The following SOX6 variants were observed in gnomAD, a reference collection of about 807,000 sequenced individuals.
SOX6 encodes the protein transcription factor SOX-6.
Under a neutral mutation model 97.8 loss-of-function variants are expected in SOX6, and 11 were observed. That is an observed-to-expected ratio of 0.11 (90% CI 0.07 to 0.19). The LOEUF (loss-of-function observed/expected upper bound fraction) is 0.19, where lower values mean the gene tolerates loss of function less well. Ranked by LOEUF, SOX6 falls within the 10% of genes least tolerant of loss-of-function variation. The probability of loss-of-function intolerance (pLI) is 1.00; values close to 1 mark genes in which losing one functional copy is unlikely to be tolerated. For missense variants in SOX6, 810 were observed against 1,039.5 expected (o/e 0.78, Z 3.04); for synonymous variants, 360 against 371.4 (o/e 0.97, Z 0.35).
At chr11:16,477,588 C>T (rs56311489), upstream of SOX6, among the ~76,000 whole-genome samples, 2 of 152,142 alleles carry the variant, frequency 1.3e-5, no homozygotes, top group African/African-American at 2.4e-5. Context: ...CAGTGGCTCA[C>T]GCCTGTAATC....
intron 3 of SOX6, among the ~76,000 whole-genome samples, chr11:16,681,382 A>G (rs769801677): frequency 2.0e-5 from 3 of 152,150 alleles, no homozygotes; most frequent in Non-Finnish European, 4.4e-5. Flanking sequence ...CAAAATGAAG[A>G]CAGAAGTAAA....
chr11:16,191,512 T>A (rs1464112756), intron 4 of SOX6, among the ~76,000 whole-genome samples: 2 of 151,942 alleles, frequency 1.3e-5, no homozygotes, highest in Non-Finnish European at 2.9e-5. Context: ...TTTGAAAAAA[T>A]CAACTTGGAA....
chr11:16,531,315 A>T (rs1352390435), intron 4 of SOX6, among the ~76,000 whole-genome samples: 1 of 151,704 alleles, frequency 6.6e-6, no homozygotes, highest in Non-Finnish European at 1.5e-5. Flanking sequence ...GTAGCTATCC[A>T]GTATTAAAAT....
chr11:16,166,199 AC>A (rs1850883678), intron 6 of SOX6, among the ~76,000 whole-genome samples: 1 of 152,110 alleles, frequency 6.6e-6, no homozygotes, highest in Non-Finnish European at 1.5e-5. Context: ...TGTTTATTTC[AC>A]CCACATTACC....
intron 4 of SOX6, among the ~76,000 whole-genome samples, chr11:16,578,131 T>G (rs1848000052): frequency 6.6e-6 from 1 of 152,166 alleles, no homozygotes; most frequent in South Asian, 2.1e-4. Flanking sequence ...TTCTTTTGCA[T>G]GGGGATACCT....
At chr11:16,664,357 G>A (rs1847789326) in intron 3 of SOX6, among the ~76,000 whole-genome samples, 1 of 152,180 alleles carries the variant, frequency 6.6e-6, no homozygotes, top group South Asian at 2.1e-4. Context: ...AGGCCACAAG[G>A]AGTGGAGAAA....
Position 16,469,210 on chromosome 11 carries a change from T to C in SOX6, c.-5+7105A>G, listed in dbSNP as rs556300004. 1.0e-3 allele frequency among the ~76,000 whole-genome samples: 156 copies of C among 152,214 alleles called. 1 individual carries two copies. The highest frequency in any genetic ancestry group is 7.1e-3 in the South Asian group (34 of 4,820). ...GTTTAATGAAACAAGTCCAGAGTAT[T>C]AACAAACTTTTTAGAGCAGTTTGTT... On this transcript the variant is annotated intron_variant, in intron 1 of 15. Transcript: ENST00000396356.
rs542486542 is a variant in SOX6 at position 16,611,902 on chromosome 11, G to T, written n.609+179C>A. Among the ~76,000 whole-genome samples, 8 of 152,278 alleles carry T rather than the reference G, an allele frequency of 5.3e-5. No homozygotes were observed. In the East Asian group the frequency reaches 1.5e-3, roughly 29 times the overall value. Reference sequence around the variant, plus strand: ...GGAGGTGGGGAAAAGTGGTAAAAATGCATGAACTTTTTTCCAAAGAAAAAT... The same window carrying T: ...GGAGGTGGGGAAAAGTGGTAAAAATTCATGAACTTTTTTCCAAAGAAAAAT... On this transcript the variant is annotated intron_variant and non_coding_transcript_variant, in intron 4 of 5. Coordinates refer to the SOX6 transcript ENST00000524520.
At chr11:16,711,666 T>C (rs768834523) in intron 3 of SOX6, among the ~76,000 whole-genome samples, 3 of 152,216 alleles carry the variant, frequency 2.0e-5, no homozygotes, top group Non-Finnish European at 4.4e-5. Context: ...GTTTTCACTA[T>C]ACTCTAATAC....
intron 4 of SOX6, among the ~76,000 whole-genome samples, chr11:16,558,341 C>T (rs762664825): frequency 5.9e-5 from 9 of 151,966 alleles, no homozygotes; most frequent in Admixed American, 1.3e-4. Flanking sequence ...CTTCAATCTG[C>T]TAAATATTCT....
In SOX6 at chr11:16,168,288, G is replaced by A. The variant is rs77535014; in HGVS notation, c.777+15598C>T. Among the ~76,000 whole-genome samples the A allele has an allele frequency of 9.9e-3, 1,507 of 152,174 alleles. 14 individuals are homozygous for A. The highest frequency in any genetic ancestry group is 0.015 in the Non-Finnish European group (1,026 of 68,012). On this transcript the variant is annotated intron_variant, in intron 6 of 15. Coordinates refer to ENST00000683767, the MANE Select transcript of SOX6 (RefSeq NM_001367873.1). ...ATCAAATATGATTTGGAGTGATGAC[G>A]TCATTTATAAGAACAGGAAGTATAA...
chr11:16,240,067 A>G (rs1853138365), intron 3 of SOX6, among the ~76,000 whole-genome samples: 1 of 152,116 alleles, frequency 6.6e-6, no homozygotes, highest in Admixed American at 6.6e-5. Context: ...ACTCAAGGAT[A>G]AAATTCAGAA....
intron 4 of SOX6, among the ~76,000 whole-genome samples, chr11:16,531,358 T>C (rs1479736444): frequency 6.6e-6 from 1 of 151,612 alleles, no homozygotes; most frequent in East Asian, 1.9e-4. Context: ...TAAGAAAAAA[T>C]CAGCACTGGA....
At chr11:16,297,028 AG>A (rs1163661000) in intron 3 of SOX6, among the ~76,000 whole-genome samples, 2 of 152,272 alleles carry the variant, frequency 1.3e-5, no homozygotes, top group African/African-American at 2.4e-5. Flanking sequence ...TCAAAATAAA[AG>A]TTTTACATAT....
intron 1 of SOX6, among the ~76,000 whole-genome samples, chr11:16,471,117 G>A (rs1229899042): frequency 1.3e-5 from 2 of 149,568 alleles, no homozygotes; most frequent in East Asian, 3.9e-4. Context: ...ATCATTTACT[G>A]CTCTGGTAAA....
At chr11:16,034,409 C>T (rs985606382) in intron 12 of SOX6, among the ~76,000 whole-genome samples, 3 of 152,172 alleles carry the variant, frequency 2.0e-5, no homozygotes, top group Non-Finnish European at 4.4e-5. Flanking sequence ...GGGAAGACAG[C>T]ACTTTGGGAA....
chr11:16,663,273 T>C (rs560980775), intron 3 of SOX6, among the ~76,000 whole-genome samples: 1 of 152,288 alleles, frequency 6.6e-6, no homozygotes, highest in Admixed American at 6.5e-5. Context: ...GGAAAAAATA[T>C]ACATTTTTTA....
chr11:16,598,970 G>A (rs1049259523), intron 4 of SOX6, among the ~76,000 whole-genome samples: 1 of 152,072 alleles, frequency 6.6e-6, no homozygotes, highest in Admixed American at 6.5e-5. Flanking sequence ...AGAGAGAACC[G>A]AGAGAACATA....
At chr11:16,238,095 T>C (rs1351870349) in intron 3 of SOX6, among the ~76,000 whole-genome samples, 1 of 152,038 alleles carries the variant, frequency 6.6e-6, no homozygotes, top group Admixed American at 6.6e-5. Flanking sequence ...CCAATATTTA[T>C]TCAATGAAAT....
Sources: gnomAD v4.1 joint callset for allele counts (sites outside exome capture counted in the v4.1 genomes callset) on GRCh38, gnomAD v4.1.1 for gene constraint, MANE v1.5 for transcripts, NCBI Gene and HGNC (gene_info 2026-07-23, HGNC 2026-07-21) for gene names.